CADM3: variants seen among roughly 807,000 people sequenced by gnomAD.
CADM3 encodes cell adhesion molecule 3, also known as TSLC1-like 1.
A neutral mutation model predicts 44.9 loss-of-function variants in CADM3; 11 were observed. The observed-to-expected ratio is 0.25, with a 90% CI of 0.15 to 0.41. CADM3 has a LOEUF of 0.41. Ranked by LOEUF, CADM3 falls within the 10% of genes least tolerant of loss-of-function variation. The pLI is 1.00. For missense variants in CADM3, 426 were observed against 512.0 expected (o/e 0.83, Z 1.62); for synonymous variants, 207 against 205.2 (o/e 1.01, Z -0.08).
chr1:159,185,547 C>T (rs3026981), intron 1 of CADM3, among the ~76,000 whole-genome samples: 1 of 152,182 alleles, frequency 6.6e-6, no homozygotes, highest in African/African-American at 2.4e-5. Flanking sequence ...AGTTTCTTAA[C>T]TCGGCTTTAA....
intron 8 of CADM3, 54 bp downstream of exon 8, chr1:159,199,930 T>C: frequency 1.3e-6 from 2 of 1,595,046 alleles, no homozygotes; most frequent in South Asian, 1.1e-5. Context: ...GGGAGACCAA[T>C]CAGAGGCAGG....
Position 159,193,967 on chromosome 1 carries a change from C to T in CADM3, c.618C>T (p.Ser206=). Residue 206 remains serine (S), a synonymous_variant, in exon 5 of 9, where the codon AGC becomes AGT. Transcript: ENST00000368125. ...FQVTREDDGA[S]IVCSVNHESL... ...TTACCCGGGAGGATGATGGGGCGAG[C>T]ATCGTGTGCTCTGTGAACCATGAAT... 1 of 1,614,180 alleles carries T rather than the reference C, an allele frequency of 6.2e-7. No individual in the cohort carries two copies. The highest frequency in any genetic ancestry group is 8.5e-7 in the Non-Finnish European group (1 of 1,180,044).
At chr1:159,194,109 G>A in intron 5 of CADM3, 69 bp downstream of exon 5, 1 of 1,493,686 alleles carries the variant, frequency 6.7e-7, no homozygotes, top group Non-Finnish European at 9.1e-7. Context: ...AGAGAATGCA[G>A]GTGACTGTGC....
intron 1 of CADM3, among the ~76,000 whole-genome samples, chr1:159,176,005 G>C (rs1200082673): frequency 2.6e-5 from 4 of 152,130 alleles, no homozygotes; most frequent in Non-Finnish European, 5.9e-5. Flanking sequence ...TCACTTGGTA[G>C]GAAAAAATAT....
Position 159,193,524 on chromosome 1 carries a change from C to T in CADM3, c.484C>T (p.Arg162Trp), listed in dbSNP as rs3026987. Residue 162 changes from arginine to tryptophan, a missense_variant, in exon 4 of 9, where the codon CGG becomes TGG. Arg to Trp is a moderately radical substitution (Grantham distance 101, BLOSUM62 -3). Transcript: ENST00000368125. Reference protein sequence around the residue: ...CQSSGSKPAARLTWRKGDQEL... With the variant: ...CQSSGSKPAAWLTWRKGDQEL... ...GTCTTCTGGGAGCAAGCCTGCAGCC[C>T]GGCTCACCTGGAGAAAGGGTGACCA... is the stretch of plus-strand genomic sequence containing the variant. 0.015 allele frequency: 24,334 copies of T among 1,614,134 alleles called. 269 individuals are homozygous for T. Among genetic ancestry groups the T allele is most frequent in the Non-Finnish European group, 0.017 (20,340 of 1,180,026 alleles).
chr1:159,187,556 C>T (rs1156504729), intron 1 of CADM3, among the ~76,000 whole-genome samples: 1 of 152,172 alleles, frequency 6.6e-6, no homozygotes, highest in Non-Finnish European at 1.5e-5. Context: ...GGTTGAAAAT[C>T]CACTCTGCAA....
intron 2 of CADM3, 64 bp from the exon 3 acceptor site, chr1:159,192,514 A>T (rs1649709272): frequency 1.2e-6 from 2 of 1,603,166 alleles, no homozygotes; most frequent in African/African-American, 2.7e-5. Context: ...CTGGCCTGGG[A>T]TTGGAAGGTA....
At chr1:159,180,293 G>A (rs1649179091) in intron 1 of CADM3, among the ~76,000 whole-genome samples, 1 of 152,170 alleles carries the variant, frequency 6.6e-6, no homozygotes, top group African/African-American at 2.4e-5. Context: ...CCAGAAATAT[G>A]ATTAGTGAGA....
intron 2 of CADM3, 81 bp from the exon 3 acceptor site, chr1:159,192,497 A>G: frequency 6.4e-7 from 1 of 1,572,828 alleles, no homozygotes; most frequent in Non-Finnish European, 8.7e-7. Flanking sequence ...CCCTTCCCCC[A>G]AAGAAGCTGG....
At chr1:159,193,739 T>G in intron 4 of CADM3, 131 bp from the exon 5 acceptor site, 1 of 1,450,204 alleles carries the variant, frequency 6.9e-7, no homozygotes, top group Non-Finnish European at 9.5e-7. Flanking sequence ...TGCCACAACT[T>G]TCTAAGTTTA....
intron 7 of CADM3, among the ~76,000 whole-genome samples, chr1:159,198,717 C>T (rs943753487): frequency 3.9e-5 from 6 of 152,052 alleles, no homozygotes; most frequent in Non-Finnish European, 5.9e-5. Context: ...ACATCAGAAC[C>T]GTGTGCTGGG....
intron 8 of CADM3, among the ~76,000 whole-genome samples, chr1:159,200,530 A>G (rs796398553): frequency 0.084 from 10,621 of 127,060 alleles, 1,154 homozygotes; most frequent in African/African-American, 0.26. Flanking sequence ...ACACACACAC[A>G]CACACACACA....
intron 1 of CADM3, among the ~76,000 whole-genome samples, chr1:159,186,274 AG>A (rs1298862072): frequency 6.6e-6 from 1 of 152,202 alleles, no homozygotes; most frequent in Non-Finnish European, 1.5e-5. Flanking sequence ...CTTGAAGGCT[AG>A]GCTGACAACT....
At chr1:159,184,133 T>A (rs1490244515) in intron 1 of CADM3, among the ~76,000 whole-genome samples, 1 of 152,128 alleles carries the variant, frequency 6.6e-6, no homozygotes. Context: ...AGGGGCTGAG[T>A]TCTAATCCTG....
intron 1 of CADM3, among the ~76,000 whole-genome samples, chr1:159,181,486 AC>A (rs1477815052): frequency 6.6e-6 from 1 of 152,044 alleles, no homozygotes; most frequent in East Asian, 1.9e-4. Flanking sequence ...CAGTACCTGC[AC>A]AGAATCTGTG....
At chr1:159,183,513 A>T (rs1051963750) in intron 1 of CADM3, among the ~76,000 whole-genome samples, 8 of 152,128 alleles carry the variant, frequency 5.3e-5, no homozygotes, top group African/African-American at 1.9e-4. Context: ...AGGTGGAGAG[A>T]AGGCCTAGAT....
chr1:159,192,091 G>A lies in CADM3; in HGVS notation c.229+15G>A. ...GGAGAAGAGAGGTAGTATCTCATGA[G>A]TTATCTTTCTCCGTGAAAACCATGG... On this transcript the variant is annotated intron_variant, in intron 2 of 8. Transcript: ENST00000368125. 6.2e-7 allele frequency: 1 copy of A among 1,613,134 alleles called. No individual in the cohort carries two copies. Among genetic ancestry groups the A allele is most frequent in the Non-Finnish European group, 8.5e-7 (1 of 1,179,696 alleles).
intron 1 of CADM3, among the ~76,000 whole-genome samples, 189 bp downstream of exon 1, chr1:159,172,042 T>C (rs1252394492): frequency 6.6e-6 from 1 of 152,164 alleles, no homozygotes; most frequent in Non-Finnish European, 1.5e-5. Context: ...TGTGCCGGTG[T>C]GTGCACCCTT....
intron 1 of CADM3, among the ~76,000 whole-genome samples, chr1:159,183,332 T>C (rs1156984290): frequency 6.6e-6 from 1 of 152,172 alleles, no homozygotes; most frequent in African/African-American, 2.4e-5. Flanking sequence ...ATATCCTGTA[T>C]GCCTCCTAGG....
Sources: gnomAD v4.1 joint callset for allele counts (sites outside exome capture counted in the v4.1 genomes callset) on GRCh38, gnomAD v4.1.1 for gene constraint, MANE v1.5 for transcripts, NCBI Gene and HGNC (gene_info 2026-07-23, HGNC 2026-07-21) for gene names.